Variants in C12orf76 observed in about 807,000 individuals in gnomAD.
C12orf76 encodes uncharacterized protein C12orf76.
C12orf76 carries 6 observed loss-of-function variants against 6.8 expected under a neutral mutation model. That is an observed-to-expected ratio of 0.88 (90% CI 0.48 to 1.73). The LOEUF (loss-of-function observed/expected upper bound fraction) is 1.73. Ranked by LOEUF, C12orf76 falls within the 40% of genes most tolerant of loss-of-function variation. The pLI, the probability that C12orf76 is intolerant of heterozygous loss-of-function variation, is 0.01. For missense variants in C12orf76, 99 were observed against 98.2 expected, an observed-to-expected ratio of 1.01 and a Z score of -0.03; for synonymous variants, 56 against 43.7, an observed-to-expected ratio of 1.28 and a Z score of -1.11.
At chr12:110,047,871 T>C (rs1309413923) in intron 1 of C12orf76, among the ~76,000 whole-genome samples, 1 of 152,116 alleles carries the variant, frequency 6.6e-6, no homozygotes, top group Non-Finnish European at 1.5e-5. Flanking sequence ...TGATGTGCCT[T>C]GTTGCCTAGC....
chr12:110,045,081 G>A (rs943545162), intron 1 of C12orf76, among the ~76,000 whole-genome samples: 1 of 152,224 alleles, frequency 6.6e-6, no homozygotes, highest in African/African-American at 2.4e-5. Context: ...CCAAAGGCCA[G>A]AAGTAATTTT....
chr12:110,048,409 C>A lies in C12orf76; in HGVS notation c.87G>T (p.Pro29=). 1 of 1,515,754 alleles carries A rather than the reference C, an allele frequency of 6.6e-7. No individual in the cohort carries two copies. Among genetic ancestry groups the A allele is most frequent in the Non-Finnish European group, 8.8e-7 (1 of 1,137,008 alleles). The allele number at this position is 1,515,754 out of a possible 1,614,324, so 93.9% of individuals were successfully genotyped here. A position where few individuals can be genotyped will look rare whatever the true frequency, so the allele number is the denominator to read the frequency against. ...GEAEAPSPVD[P]LERSRPYAVL... ...CCGCGTACGGCCGGCTCCGCTCCAGCGGATCCACGGGGCTCGGGGCCTCTG... is the reference window on the plus strand; with the variant it reads ...CCGCGTACGGCCGGCTCCGCTCCAGAGGATCCACGGGGCTCGGGGCCTCTG... Residue 29 remains proline, a synonymous_variant, in exon 1 of 2, where the codon CCG becomes CCT. Coordinates refer to ENST00000615315, the MANE Select transcript of C12orf76 (RefSeq NM_001389625.1).
At chr12:110,042,782 G>A (rs774709981) in intron 1 of C12orf76, among the ~76,000 whole-genome samples, 5 of 152,184 alleles carry the variant, frequency 3.3e-5, no homozygotes, top group Non-Finnish European at 7.4e-5. Flanking sequence ...GACAGGCCGA[G>A]TGTGGTGGCT....
At chr12:110,072,704 C>T (rs765880903) in intron 1 of C12orf76, among the ~76,000 whole-genome samples, 18 of 152,102 alleles carry the variant, frequency 1.2e-4, no homozygotes, top group Non-Finnish European at 2.4e-4. Context: ...AGGTGGATCA[C>T]ATGAGGTCAG....
At chr12:110,068,312 A>AGAAGAG (rs1892913192), upstream of C12orf76, among the ~76,000 whole-genome samples, 1 of 146,266 alleles carries the variant, frequency 6.8e-6, no homozygotes, top group Non-Finnish European at 1.5e-5. Flanking sequence ...AAGAAGAAGA[A>AGAAGAG]GAAGAAGAAG....
chr12:110,057,997 G>T (rs993276830), intron 3 of C12orf76, among the ~76,000 whole-genome samples: 19 of 150,820 alleles, frequency 1.3e-4, no homozygotes, highest in African/African-American at 4.4e-4. Flanking sequence ...CCATGAGGCG[G>T]GGATTGCAGT....
In C12orf76 at chr12:110,048,506, C is replaced by T; in HGVS notation, c.-11G>A. The T allele has an allele frequency of 7.1e-7, 1 of 1,413,398 alleles. No homozygotes were observed. The highest frequency in any genetic ancestry group is 9.2e-7 in the Non-Finnish European group (1 of 1,084,680). 87.6% of individuals were successfully genotyped at this position (1,413,398 alleles called of 1,614,324 possible). On this transcript the variant is annotated 5_prime_UTR_variant, in exon 1 of 2. Coordinates refer to ENST00000615315, the MANE Select transcript of C12orf76 (RefSeq NM_001389625.1). ...CGCTGGACGCAGCATCTTCCCCAGC[C>T]CTGCAGAAGCAGAGAGGCCACTTCC...
At chr12:110,065,021 G>A (rs1892834457) in intron 2 of C12orf76, among the ~76,000 whole-genome samples, 1 of 152,178 alleles carries the variant, frequency 6.6e-6, no homozygotes, top group South Asian at 2.1e-4. Flanking sequence ...CTATTTGGGT[G>A]TTTTGGTGTT....
chr12:110,073,502 C>T (rs1168340403), exon 1 of C12orf76: 1 of 521,720 alleles, frequency 1.9e-6, no homozygotes, highest in Non-Finnish European at 3.9e-6. Context: ...CTTTGTTTGT[C>T]TCATACAGGA....
At chr12:110,065,887 GTTCCTCTT>G in exon 2 of C12orf76, 1 of 1,614,114 alleles carries the variant, frequency 6.2e-7, no homozygotes, top group Non-Finnish European at 8.5e-7. Flanking sequence ...TGTCCTTGCT[GTTCCTCTT>G]TTGTGCTTCC....
chr12:110,063,549 C>T (rs1006587204), intron 2 of C12orf76, among the ~76,000 whole-genome samples: 2 of 151,536 alleles, frequency 1.3e-5, no homozygotes, highest in Non-Finnish European at 2.9e-5. Flanking sequence ...CTTGGCCTCC[C>T]GAAGTGCTGG....
chr12:110,049,740 TGC>T (rs1892544129), upstream of C12orf76: 1 of 152,204 alleles, frequency 6.6e-6, no homozygotes, highest in Non-Finnish European at 1.5e-5. Flanking sequence ...TCACAGGGGA[TGC>T]GATGGCTTGG....
upstream of C12orf76, among the ~76,000 whole-genome samples, chr12:110,069,939 A>G (rs983947616): frequency 1.1e-4 from 17 of 152,332 alleles, 1 homozygote; most frequent in African/African-American, 4.1e-4. Context: ...GTTTTTATAT[A>G]TACAATGATC....
chr12:110,053,044 T>G (rs1418663364), upstream of C12orf76, among the ~76,000 whole-genome samples: 1 of 150,434 alleles, frequency 6.6e-6, no homozygotes, highest in African/African-American at 2.5e-5. Context: ...CTACTAAAAA[T>G]AGGAAAATTA....
At chr12:110,043,042 T>C (rs1892356251) in intron 1 of C12orf76, among the ~76,000 whole-genome samples, 1 of 150,868 alleles carries the variant, frequency 6.6e-6, no homozygotes, top group African/African-American at 2.4e-5. Context: ...ATTGCGCCAC[T>C]AAGCGACAGA....
At chr12:110,068,266 AAGAAG>A (rs1892907456), upstream of C12orf76, among the ~76,000 whole-genome samples, 1 of 115,118 alleles carries the variant, frequency 8.7e-6, no homozygotes, top group Non-Finnish European at 1.9e-5. Flanking sequence ...GAAGAAGAAG[AAGAAG>A]AAGAAGAAGA....
At chr12:110,059,924 A>C (rs1440553618) in intron 2 of C12orf76, among the ~76,000 whole-genome samples, 1 of 152,224 alleles carries the variant, frequency 6.6e-6, no homozygotes, top group Non-Finnish European at 1.5e-5. Flanking sequence ...GTGACAGGGC[A>C]GTCCCAGAGC....
chr12:110,043,580 G>A (rs1432669789), intron 1 of C12orf76, among the ~76,000 whole-genome samples: 1 of 152,136 alleles, frequency 6.6e-6, no homozygotes, highest in African/African-American at 2.4e-5. Context: ...TTGGCTGGGT[G>A]CGGTGGCTCA....
intron 2 of C12orf76, among the ~76,000 whole-genome samples, chr12:110,061,650 C>T (rs983552229): frequency 3.9e-5 from 6 of 152,130 alleles, no homozygotes; most frequent in Non-Finnish European, 8.8e-5. Context: ...GATTCTCCTG[C>T]CTCAGCCTCC....
Sources: allele counts gnomAD v4.1 joint callset (sites outside exome capture counted in the v4.1 genomes callset), GRCh38; gene constraint gnomAD v4.1.1; transcripts MANE v1.5; gene names NCBI Gene and HGNC (gene_info 2026-07-23, HGNC 2026-07-21).